Variants in PRKAR1A observed in about 807,000 individuals in gnomAD.
PRKAR1A encodes protein kinase cAMP-dependent type I regulatory subunit alpha.
A neutral mutation model predicts 52.0 loss-of-function variants in PRKAR1A; 3 were observed. That is an observed-to-expected ratio of 0.06 (90% CI 0.03 to 0.15). The LOEUF (loss-of-function observed/expected upper bound fraction) is 0.15, where lower values mean the gene tolerates loss of function less well. Among genes scored for constraint, PRKAR1A ranks in the 10% least tolerant of loss-of-function variants. PRKAR1A has a pLI of 1.00. For synonymous variants in PRKAR1A, 188 were observed against 168.4 expected, an observed-to-expected ratio of 1.12 and a Z score of -0.90; for missense variants, 240 against 477.4, an observed-to-expected ratio of 0.50 and a Z score of 4.63.
the PRKAR1A span, among the ~76,000 whole-genome samples, chr17:68,497,031 T>C: frequency 0.62 from 94,601 of 151,698 alleles, 29,972 homozygotes; most frequent in East Asian, 0.83. Context: ...GCCATGCTGC[T>C]CAGGCTGGTC....
At chr17:68,485,207 G>A in the PRKAR1A span, among the ~76,000 whole-genome samples, 1 of 152,190 alleles carries the variant, frequency 6.6e-6, no homozygotes, top group African/African-American at 2.4e-5. Context: ...GCCTAGAATT[G>A]AAGGTAAGCT....
the PRKAR1A span, among the ~76,000 whole-genome samples, chr17:68,477,871 C>T: frequency 3.9e-5 from 6 of 152,136 alleles, no homozygotes; most frequent in East Asian, 1.9e-4. Context: ...TACAGGAACA[C>T]GCCACTACAC....
the PRKAR1A span, among the ~76,000 whole-genome samples, chr17:68,432,359 A>G: frequency 6.6e-6 from 1 of 152,220 alleles, no homozygotes; most frequent in Non-Finnish European, 1.5e-5. Flanking sequence ...TGGTGGCAGA[A>G]AAAGATGGCA....
At chr17:68,469,337 C>CT in the PRKAR1A span, among the ~76,000 whole-genome samples, 143 of 151,944 alleles carry the variant, frequency 9.4e-4, 1 homozygote, top group African/African-American at 3.2e-3. Context: ...CCCCCAGGAG[C>CT]TTTTTTTTCT....
the PRKAR1A span, chr17:68,436,383 A>G: frequency 6.2e-7 from 1 of 1,613,636 alleles, no homozygotes; most frequent in Non-Finnish European, 8.5e-7. Flanking sequence ...TCAACTTACC[A>G]GGGAGTTTCC....
chr17:68,421,991 G>C, the PRKAR1A span: 1 of 712,786 alleles, frequency 1.4e-6, no homozygotes. Context: ...AGCTTATTTA[G>C]GTGTAGACAA....
chr17:68,463,390 T>TATTC, the PRKAR1A span, among the ~76,000 whole-genome samples: 2 of 152,224 alleles, frequency 1.3e-5, no homozygotes, highest in East Asian at 1.9e-4. Context: ...GGAGTTTGTA[T>TATTC]ATTCATTCAT....
At chr17:68,489,357 A>G in the PRKAR1A span, among the ~76,000 whole-genome samples, 3 of 98,214 alleles carry the variant, frequency 3.1e-5, no homozygotes, top group Admixed American at 2.3e-4. Context: ...ATATATATAT[A>G]TGGAAAGTAT....
At chr17:68,483,144 G>T in the PRKAR1A span, among the ~76,000 whole-genome samples, 2 of 150,802 alleles carry the variant, frequency 1.3e-5, no homozygotes. Context: ...TCTATGATGT[G>T]CATGGACCCA....
At chr17:68,541,156 C>G in intron 11 of PRKAR1A, 1 of 695,032 alleles carries the variant, frequency 1.4e-6, no homozygotes, top group Non-Finnish European at 2.3e-6. Context: ...GGTCCTGGGT[C>G]CTTTAAGTCT....
chr17:68,547,010 CT>C (rs559157360), intron 11 of PRKAR1A, among the ~76,000 whole-genome samples: 72 of 146,436 alleles, frequency 4.9e-4, no homozygotes, highest in South Asian at 8.7e-4. Flanking sequence ...TGAAAGGAAT[CT>C]TTTTTTTTTT....
chr17:68,524,860 A>C (rs369422193), intron 5 of PRKAR1A, 52 bp from the exon 6 acceptor site: 1 of 1,381,814 alleles, frequency 7.2e-7, no homozygotes, highest in Non-Finnish European at 1.0e-6. Context: ...TAATTTTGAT[A>C]ATTTCTTTCT....
the PRKAR1A span, chr17:68,427,341 T>C: frequency 1.0e-6 from 1 of 986,900 alleles, no homozygotes; most frequent in Non-Finnish European, 1.6e-6. Flanking sequence ...TGAAGAAGCC[T>C]GTGCTCAGCT....
chr17:68,444,686 T>C, the PRKAR1A span: 6 of 994,234 alleles, frequency 6.0e-6, no homozygotes, highest in Admixed American at 2.7e-5. Context: ...CCTAACTTGA[T>C]TCTAAGCCTA....
chr17:68,539,900 A>G lies in PRKAR1A; in HGVS notation c.973+9899A>G, dbSNP rs759779146. ...GGAAGCTCACCCTCTGGCGTTGTCA[A>G]GGTGAATAAGGAACCCATCATCCCC... On this transcript the variant is annotated intron_variant, in intron 11 of 11. Coordinates refer to the PRKAR1A transcript ENST00000585981. 1.3e-5 allele frequency: 21 copies of G among 1,614,036 alleles called. No individual in the cohort carries two copies. In the Admixed American group the frequency reaches 1.7e-4, roughly 13 times the overall value.
the PRKAR1A span, among the ~76,000 whole-genome samples, chr17:68,446,509 C>A: frequency 6.6e-6 from 1 of 152,088 alleles, no homozygotes; most frequent in African/African-American, 2.4e-5. Context: ...AAGGCTCTGT[C>A]GTAGGTCTGA....
chr17:68,539,953 C>T (rs749771026), intron 11 of PRKAR1A: 2 of 1,614,016 alleles, frequency 1.2e-6, no homozygotes, highest in Admixed American at 3.3e-5. Flanking sequence ...CATAATGGTG[C>T]CGGTCCATAT....
the PRKAR1A span, among the ~76,000 whole-genome samples, chr17:68,476,670 TTC>T: frequency 6.6e-6 from 1 of 151,040 alleles, no homozygotes; most frequent in African/African-American, 2.4e-5. Flanking sequence ...CTCTCTCTCT[TTC>T]TCTCTTTCTT....
the PRKAR1A span, chr17:68,434,499 C>T: frequency 5.8e-4 from 923 of 1,579,756 alleles, 7 homozygotes; most frequent in African/African-American, 7.7e-3. Flanking sequence ...CAGCTGCCAG[C>T]GGTCCCTGCG....
Sources: gnomAD v4.1 joint callset for allele counts (sites outside exome capture counted in the v4.1 genomes callset) on GRCh38, gnomAD v4.1.1 for gene constraint, MANE v1.5 for transcripts, NCBI Gene and HGNC (gene_info 2026-07-23, HGNC 2026-07-21) for gene names.